RAB2A: variants seen among roughly 807,000 people sequenced by gnomAD.
The protein encoded by RAB2A is ras-related protein Rab-2A.
RAB2A carries 7 observed loss-of-function variants against 32.5 expected under a neutral mutation model. The observed-to-expected ratio is 0.22, with a 90% CI of 0.12 to 0.40. The LOEUF is 0.40. RAB2A is among the 10% of genes least tolerant of loss of function. RAB2A has a pLI of 1.00. For synonymous variants in RAB2A, 79 were observed against 85.2 expected (o/e 0.93, Z 0.40); for missense variants, 108 against 260.7 (o/e 0.41, Z 4.03).
At chr8:60,576,458 T>C (rs1803632275) in intron 3 of RAB2A, among the ~76,000 whole-genome samples, 1 of 152,206 alleles carries the variant, frequency 6.6e-6, no homozygotes, top group Non-Finnish European at 1.5e-5. Context: ...AATTGTAATA[T>C]GGATGTTTTA....
At chr8:60,527,736 T>A (rs934852067) in intron 1 of RAB2A, among the ~76,000 whole-genome samples, 1 of 150,016 alleles carries the variant, frequency 6.7e-6, no homozygotes, top group African/African-American at 2.5e-5. Context: ...GTATCCATTA[T>A]TTTTTTTTTG....
rs184080976 is a variant in RAB2A, at chr8:60,599,255, A to G, written c.474+7286A>G. Among the ~76,000 whole-genome samples the G allele has an allele frequency of 2.0e-3, 312 of 152,326 alleles. 1 individual carries two copies. The highest frequency in any genetic ancestry group is 7.3e-3 in the African/African-American group (305 of 41,566). On this transcript the variant is annotated intron_variant, in intron 6 of 7. Coordinates refer to ENST00000262646, the MANE Select transcript of RAB2A (RefSeq NM_002865.3). ...GCAGGCCATGTATTCTGAAAACTAC[A>G]AAACTACTTACAGTGGTGAAAGAAG...
intron 1 of RAB2A, among the ~76,000 whole-genome samples, chr8:60,532,784 A>C (rs1373715740): frequency 1.3e-5 from 2 of 152,368 alleles, no homozygotes; most frequent in East Asian, 3.8e-4. Flanking sequence ...TGCTGGGATT[A>C]CATACATGAG....
chr8:60,532,401 A>G (rs1807490069), intron 1 of RAB2A, among the ~76,000 whole-genome samples: 1 of 152,230 alleles, frequency 6.6e-6, no homozygotes, highest in Admixed American at 6.5e-5. Context: ...AGCAATAATA[A>G]TGTATGCCCG....
chr8:60,563,242 C>G (rs1160555487), intron 2 of RAB2A, among the ~76,000 whole-genome samples: 1 of 152,200 alleles, frequency 6.6e-6, no homozygotes, highest in Non-Finnish European at 1.5e-5. Context: ...TACAAATATT[C>G]TTTAACCTTT....
At chr8:60,579,095 TGCAGTGGC>T (rs1336208508) in intron 3 of RAB2A, among the ~76,000 whole-genome samples, 1 of 152,174 alleles carries the variant, frequency 6.6e-6, no homozygotes, top group African/African-American at 2.4e-5. Flanking sequence ...CAGGCTAGAG[TGCAGTGGC>T]GCAATCTCAG....
intron 1 of RAB2A, among the ~76,000 whole-genome samples, chr8:60,526,017 G>GCGCATATATA (rs879271913): frequency 1.3e-5 from 1 of 74,220 alleles, no homozygotes; most frequent in Admixed American, 1.4e-4. Flanking sequence ...ATGTGTGTGT[G>GCGCATATATA]TACATATATA....
At chr8:60,575,115 T>TTC (rs1808252748) in intron 3 of RAB2A, among the ~76,000 whole-genome samples, 1 of 145,924 alleles carries the variant, frequency 6.9e-6, no homozygotes, top group African/African-American at 2.5e-5. Flanking sequence ...TTTTTTGGTT[T>TTC]TGAGACAGCG....
chr8:60,527,091 T>G (rs1055962825), intron 1 of RAB2A, among the ~76,000 whole-genome samples: 2 of 151,806 alleles, frequency 1.3e-5, no homozygotes, highest in African/African-American at 4.8e-5. Flanking sequence ...AGGAAACTTA[T>G]AATCATGGCA....
chr8:60,606,491 T>C (rs1804234228), intron 6 of RAB2A, among the ~76,000 whole-genome samples: 1 of 152,212 alleles, frequency 6.6e-6, no homozygotes, highest in Admixed American at 6.5e-5. Flanking sequence ...ACTAGGATCT[T>C]AAATTTAAAA....
chr8:60,588,128 A>T lies in RAB2A; in HGVS notation c.362+3313A>T, dbSNP rs188048076. Reference sequence around the variant, plus strand: ...TCTATACAAAAATAAGAAATTTTTTAAAAAAGTAGCTGAACATGGTGGTAC... The same window carrying T: ...TCTATACAAAAATAAGAAATTTTTTTAAAAAGTAGCTGAACATGGTGGTAC... On this transcript the variant is annotated intron_variant, in intron 5 of 7. Transcript: ENST00000262646. Among the ~76,000 whole-genome samples, 144 of 152,236 alleles carry T rather than the reference A, an allele frequency of 9.5e-4. 2 individuals are homozygous for T. Among genetic ancestry groups the T allele is most frequent in the Non-Finnish European group, 3.4e-4 (23 of 68,004 alleles).
chr8:60,541,213 A>G (rs1807640404), intron 1 of RAB2A, among the ~76,000 whole-genome samples: 1 of 152,216 alleles, frequency 6.6e-6, no homozygotes, highest in Non-Finnish European at 1.5e-5. Flanking sequence ...GTTACAAAAT[A>G]CCTAATCAGT....
At chr8:60,558,777 T>C in intron 1 of RAB2A, 75 bp from the exon 2 acceptor site, 2 of 1,293,606 alleles carry the variant, frequency 1.5e-6, no homozygotes, top group Non-Finnish European at 2.2e-6. Context: ...TGGCTGCCTC[T>C]TTTCCATGTC....
intron 2 of RAB2A, among the ~76,000 whole-genome samples, chr8:60,566,426 T>A (rs971760946): frequency 2.0e-5 from 3 of 152,228 alleles, no homozygotes; most frequent in Admixed American, 6.5e-5. Context: ...TGTCTTTTTT[T>A]TGTTTGCTAC....
intron 1 of RAB2A, among the ~76,000 whole-genome samples, chr8:60,539,457 T>A (rs1211297534): frequency 6.6e-6 from 1 of 152,188 alleles, no homozygotes; most frequent in Non-Finnish European, 1.5e-5. Context: ...AAACAAGGCC[T>A]AGAAACCTGA....
intron 6 of RAB2A, among the ~76,000 whole-genome samples, chr8:60,602,067 A>G (rs189470884): frequency 6.6e-6 from 1 of 151,512 alleles, no homozygotes; most frequent in Non-Finnish European, 1.5e-5. Flanking sequence ...TTGTAGAGGC[A>G]AAGTCTTGCC....
chr8:60,593,466 G>A (rs905160812), intron 6 of RAB2A, among the ~76,000 whole-genome samples: 3 of 152,116 alleles, frequency 2.0e-5, no homozygotes, highest in African/African-American at 4.8e-5. Flanking sequence ...AACAGTGTTC[G>A]CAAGCCAGAA....
intron 6 of RAB2A, among the ~76,000 whole-genome samples, chr8:60,602,373 A>T (rs1804148466): frequency 6.6e-6 from 1 of 152,238 alleles, no homozygotes; most frequent in Non-Finnish European, 1.5e-5. Context: ...ACACAATACC[A>T]TTATCATATA....
chr8:60,583,901 A>T (rs575822420), intron 3 of RAB2A: 3 of 219,272 alleles, frequency 1.4e-5, no homozygotes, highest in African/African-American at 6.7e-5. Context: ...TTTAATAATG[A>T]TTCGTGTATT....
Sources: gnomAD v4.1 joint callset for allele counts (sites outside exome capture counted in the v4.1 genomes callset) on GRCh38, gnomAD v4.1.1 for gene constraint, MANE v1.5 for transcripts, NCBI Gene and HGNC (gene_info 2026-07-23, HGNC 2026-07-21) for gene names.